The following ZMIZ1 variants were observed in gnomAD, a reference collection of about 807,000 sequenced individuals.
ZMIZ1 encodes the protein zinc finger MIZ-type containing 1, also known as zinc finger MIZ domain-containing protein 1.
A neutral mutation model predicts 113.9 loss-of-function variants in ZMIZ1; 17 were observed. The ratio of observed to expected loss-of-function variants is 0.15; its 90% CI spans 0.10 to 0.22. The LOEUF (loss-of-function observed/expected upper bound fraction) is 0.22. Ranked by LOEUF, ZMIZ1 falls within the 10% of genes least tolerant of loss-of-function variation. ZMIZ1 has a pLI of 1.00. For missense variants in ZMIZ1, 1,059 were observed against 1,477.8 expected (o/e 0.72, Z 4.65); for synonymous variants, 607 against 603.1 (o/e 1.01, Z -0.09).
rs975775390 is a variant in ZMIZ1 at position 79,118,703 on chromosome 10, G to A, written c.-336-212G>A. ...TTCAGGGCTGCGGGGCTGCTCGGCC[G>A]GTGCTGGGGCTTCGAATGTGACGTT... is the stretch of plus-strand genomic sequence containing the variant. On this transcript the variant is annotated intron_variant, in intron 1 of 24. Coordinates refer to ENST00000334512, the MANE Select transcript of ZMIZ1 (RefSeq NM_020338.4). The surrounding 1 kb of genome is among the most constrained non-coding windows in gnomAD (Gnocchi z 4.1). Among the ~76,000 whole-genome samples, 3 of 152,208 alleles carry A rather than the reference G, an allele frequency of 2.0e-5. No homozygotes were observed. The highest frequency in any genetic ancestry group is 1.9e-4 in the East Asian group (1 of 5,192).
chr10:79,117,475 C>T (rs1844092485), intron 1 of ZMIZ1, among the ~76,000 whole-genome samples: 1 of 152,218 alleles, frequency 6.6e-6, no homozygotes. Flanking sequence ...ATCACTCATT[C>T]CCAAGCCTGT....
In ZMIZ1 at chr10:79,201,706, A is replaced by C; in HGVS notation, c.60+14A>C. 2 of 1,612,268 alleles carry C rather than the reference A, an allele frequency of 1.2e-6. No homozygotes were observed. ...TGCATCAAGCAGGTGGGTGTGGGGC[A>C]AGGCACACTCCGAGGGCGGGGCAGA... On this transcript the variant is annotated intron_variant, in intron 5 of 24. Transcript: ENST00000334512.
intron 1 of ZMIZ1, among the ~76,000 whole-genome samples, chr10:79,111,766 C>G (rs182961842): frequency 6.6e-6 from 1 of 152,230 alleles, no homozygotes; most frequent in South Asian, 2.1e-4. Context: ...TGGCTGAGAA[C>G]GTCTCACCCA....
intron 22 of ZMIZ1, 134 bp from the exon 23 acceptor site, chr10:79,307,271 G>T: frequency 1.2e-6 from 1 of 841,212 alleles, no homozygotes; most frequent in East Asian, 2.6e-5. Context: ...CGGAAGCCTC[G>T]GGCTGCTGTG....
chr10:79,089,434 G>A (rs1015159130), intron 1 of ZMIZ1, among the ~76,000 whole-genome samples: 13 of 152,172 alleles, frequency 8.5e-5, no homozygotes, highest in Non-Finnish European at 1.6e-4. Flanking sequence ...TGCCTTCTCC[G>A]GTTTGCTCTA....
rs372286648 is a variant in ZMIZ1 at position 79,306,376 on chromosome 10, A to G, written c.2668+32A>G. 1.2e-3 allele frequency: 1,868 copies of G among 1,600,246 alleles called. 3 individuals are homozygous for G. The highest frequency in any genetic ancestry group is 1.3e-3 in the Non-Finnish European group (1,579 of 1,178,244). ...GATGCCAGGCAGGGAGGAAGGGAGA[A>G]GGAGGGCAGCCCCAAGTCCCTGCAG... On this transcript the variant is annotated intron_variant, in intron 22 of 24. Transcript: ENST00000334512.
intron 7 of ZMIZ1, among the ~76,000 whole-genome samples, chr10:79,241,415 T>C (rs1849825037): frequency 6.6e-6 from 1 of 152,056 alleles, no homozygotes. Context: ...CATAATAACC[T>C]ACAAGGAGAT....
At chr10:79,163,132 T>G (rs890992025) in intron 4 of ZMIZ1, among the ~76,000 whole-genome samples, 1 of 152,278 alleles carries the variant, frequency 6.6e-6, no homozygotes, top group African/African-American at 2.4e-5. Context: ...TCCCAAGGCG[T>G]CGTGGTGCTG....
At chr10:79,304,628 G>A (rs907537933) in intron 19 of ZMIZ1, among the ~76,000 whole-genome samples, 6 of 152,220 alleles carry the variant, frequency 3.9e-5, no homozygotes, top group East Asian at 1.9e-4. Context: ...AGAAGGAGCC[G>A]TCTTCTGGAA....
rs56903717 is a variant in ZMIZ1, at chr10:79,240,638, C to CTT, written c.280+24390_280+24391dup. 6.9e-4 allele frequency among the ~76,000 whole-genome samples: 38 copies of CTT among 55,326 alleles called. 2 individuals carry two copies. Among genetic ancestry groups the CTT allele is most frequent in the East Asian group, 2.9e-3 (3 of 1,034 alleles). 36.3% of individuals were successfully genotyped at this position (55,326 alleles called of 152,430 possible). ...CGTAAATCTAGTGAAGAGTATTTAT[C>CTT]TTTTTTTTTTTTTTTTTTTTTTTTT... On this transcript the variant is annotated intron_variant, in intron 7 of 24. Coordinates refer to ENST00000334512, the MANE Select transcript of ZMIZ1 (RefSeq NM_020338.4).
intron 16 of ZMIZ1, 126 bp from the exon 17 acceptor site, chr10:79,300,606 G>T: frequency 8.3e-7 from 1 of 1,204,670 alleles, no homozygotes; most frequent in Non-Finnish European, 1.2e-6. Context: ...ATTGGGGTCA[G>T]GGATGGGGTC....
At chr10:79,286,198 G>C (rs930909995) in intron 8 of ZMIZ1, among the ~76,000 whole-genome samples, 1 of 152,226 alleles carries the variant, frequency 6.6e-6, no homozygotes, top group Non-Finnish European at 1.5e-5. Context: ...AGAGAAGAAG[G>C]GCTCTCAGGC....
chr10:79,109,851 G>A (rs1266722649), intron 1 of ZMIZ1, among the ~76,000 whole-genome samples: 3 of 152,250 alleles, frequency 2.0e-5, no homozygotes, highest in African/African-American at 7.2e-5. Flanking sequence ...GACAAAAGGG[G>A]TGCAGAAACT....
At chr10:79,221,991 G>A (rs1848995006) in intron 7 of ZMIZ1, among the ~76,000 whole-genome samples, 1 of 152,248 alleles carries the variant, frequency 6.6e-6, no homozygotes, top group Non-Finnish European at 1.5e-5. Context: ...GGAGGCCTTG[G>A]AGCTTCCGCA....
At chr10:79,280,072 T>C (rs763751803) in intron 8 of ZMIZ1, among the ~76,000 whole-genome samples, 1 of 151,154 alleles carries the variant, frequency 6.6e-6, no homozygotes, top group African/African-American at 2.4e-5. Context: ...GACTGCAAGC[T>C]CCGCCCCTGG....
At chr10:79,158,527 C>G (rs959690898) in intron 3 of ZMIZ1, among the ~76,000 whole-genome samples, 2 of 152,220 alleles carry the variant, frequency 1.3e-5, no homozygotes, top group African/African-American at 4.8e-5. Context: ...AGTGTGGACT[C>G]CCAAGCCTTA....
At chr10:79,267,893 T>C (rs527297151) in intron 7 of ZMIZ1, among the ~76,000 whole-genome samples, 4 of 152,278 alleles carry the variant, frequency 2.6e-5, no homozygotes, top group African/African-American at 9.6e-5. Flanking sequence ...CTCAAACCCC[T>C]GTGTCTGCTG....
At chr10:79,192,484 T>C (rs1847647937) in intron 4 of ZMIZ1, among the ~76,000 whole-genome samples, 1 of 152,176 alleles carries the variant, frequency 6.6e-6, no homozygotes, top group South Asian at 2.1e-4. Context: ...TGAAGAGAAG[T>C]GGGTCCACCC....
intron 3 of ZMIZ1, among the ~76,000 whole-genome samples, chr10:79,144,990 CATCT>C (rs904267254): frequency 1.3e-5 from 2 of 151,954 alleles, no homozygotes; most frequent in African/African-American, 4.8e-5. Context: ...GCCATCCCTC[CATCT>C]ATCTCCTGCC....
Sources: gnomAD v4.1 joint callset for allele counts (sites outside exome capture counted in the v4.1 genomes callset) on GRCh38, gnomAD v4.1.1 for gene constraint, Gnocchi (gnomAD v3.1) non-coding constraint, MANE v1.5 for transcripts, NCBI Gene and HGNC (gene_info 2026-07-23, HGNC 2026-07-21) for gene names.